Variants in ANKRD30A observed in about 807,000 individuals in gnomAD.
The protein encoded by ANKRD30A is ankyrin repeat domain 30A, also known as ankyrin repeat domain-containing protein 30A.
Under a neutral mutation model 166.3 loss-of-function variants are expected in ANKRD30A, and 170 were observed. The observed-to-expected ratio is 1.02, with a 90% confidence interval of 0.90 to 1.16. The LOEUF (loss-of-function observed/expected upper bound fraction) is 1.16. ANKRD30A is among the 50% of genes most tolerant of loss of function. The pLI is 0.00. For missense variants in ANKRD30A, 1,630 were observed against 1,518.0 expected (o/e 1.07, Z -1.23); for synonymous variants, 564 against 508.9 (o/e 1.11, Z -1.46).
At chr10:37,196,209 A>C (rs1841092713) in intron 27 of ANKRD30A, among the ~76,000 whole-genome samples, 1 of 151,112 alleles carries the variant, frequency 6.6e-6, no homozygotes, top group South Asian at 2.1e-4. Context: ...GAGTGAACTC[A>C]CTTCAGATGC....
At chr10:37,133,243 A>G (rs1836483927) in intron 4 of ANKRD30A, among the ~76,000 whole-genome samples, 1 of 152,164 alleles carries the variant, frequency 6.6e-6, no homozygotes, top group African/African-American at 2.4e-5. Context: ...TTAAAATTTT[A>G]GTTAATTAAG....
chr10:37,193,373 C>T (rs1031481886), intron 27 of ANKRD30A, 115 bp downstream of exon 27: 21 of 1,278,828 alleles, frequency 1.6e-5, no homozygotes, highest in Middle Eastern at 2.6e-4. Context: ...TGGGAAATTT[C>T]GATACAAATA....
chr10:37,251,354 T>C, the ANKRD30A span, among the ~76,000 whole-genome samples: 1 of 152,206 alleles, frequency 6.6e-6, no homozygotes, highest in East Asian at 1.9e-4. Context: ...TTTATTCTCC[T>C]CCCTCCCAAA....
chr10:37,244,541 A>G, the ANKRD30A span, among the ~76,000 whole-genome samples: 1 of 152,246 alleles, frequency 6.6e-6, no homozygotes, highest in Non-Finnish European at 1.5e-5. Flanking sequence ...GTTCAATACC[A>G]TTCTGTGTGA....
At chr10:37,203,216 C>T (rs1490403143) in intron 31 of ANKRD30A, among the ~76,000 whole-genome samples, 1 of 152,190 alleles carries the variant, frequency 6.6e-6, no homozygotes, top group African/African-American at 2.4e-5. Context: ...CCCTGATGAA[C>T]ATCAATGCAA....
chr10:37,132,138 T>C, intron 3 of ANKRD30A, 102 bp from the exon 4 acceptor site: 1 of 766,692 alleles, frequency 1.3e-6, no homozygotes, highest in East Asian at 3.0e-5. Context: ...TGATTTACTT[T>C]CTATTTTATG....
intron 27 of ANKRD30A, 75 bp from the exon 28 acceptor site, chr10:37,197,206 A>G: frequency 1.9e-6 from 3 of 1,581,558 alleles, no homozygotes; most frequent in Non-Finnish European, 1.7e-6. Flanking sequence ...TCAGTTAGAT[A>G]CTATCACGGC....
intron 27 of ANKRD30A, 141 bp from the exon 28 acceptor site, chr10:37,197,140 C>A (rs1382676322): frequency 1.2e-5 from 15 of 1,231,804 alleles, no homozygotes; most frequent in South Asian, 2.5e-5. Context: ...CCTAAACAAA[C>A]CAAAAGAAAA....
the ANKRD30A span, among the ~76,000 whole-genome samples, chr10:37,242,520 G>A: frequency 6.6e-6 from 1 of 152,024 alleles, no homozygotes; most frequent in Non-Finnish European, 1.5e-5. Flanking sequence ...TATCAGTATG[G>A]ATTCATGGTT....
Position 37,179,165 on chromosome 10 carries a change from G to T in ANKRD30A, c.2421+2947G>T, listed in dbSNP as rs111606047. On this transcript the variant is annotated intron_variant, in intron 24 of 35. Transcript: ENST00000361713. ...ATTTTTAAGGAAGCAAATTGTGTTG[G>T]TAAAATTGCCATTTTATAAAACCTC... is the stretch of plus-strand genomic sequence containing the variant. Among the ~76,000 whole-genome samples the T allele has an allele frequency of 3.3e-3, 494 of 150,658 alleles. 15 individuals carry two copies. The highest frequency in any genetic ancestry group is 0.017 in the Middle Eastern group (5 of 288).
At chr10:37,258,975 A>C in the ANKRD30A span, among the ~76,000 whole-genome samples, 9 of 151,054 alleles carry the variant, frequency 6.0e-5, no homozygotes, top group Non-Finnish European at 7.4e-5. Flanking sequence ...AAAAAAAAAA[A>C]AAAAAAAAAA....
At chr10:37,191,194 G>A (rs1379106937) in intron 25 of ANKRD30A, among the ~76,000 whole-genome samples, 1 of 151,898 alleles carries the variant, frequency 6.6e-6, no homozygotes, top group East Asian at 1.9e-4. Flanking sequence ...CTTCCTCCAT[G>A]AGTGGATTAA....
chr10:37,223,849 A>G (rs1043736125), intron 34 of ANKRD30A, among the ~76,000 whole-genome samples: 1 of 151,172 alleles, frequency 6.6e-6, no homozygotes, highest in African/African-American at 2.4e-5. Context: ...GAAATTAAAC[A>G]TATGTATTGA....
chr10:37,157,199 T>C (rs1042869836), intron 13 of ANKRD30A, among the ~76,000 whole-genome samples: 5 of 152,312 alleles, frequency 3.3e-5, no homozygotes, highest in African/African-American at 1.2e-4. Context: ...TTCATAACAA[T>C]AGTTTAACAC....
downstream of ANKRD30A, chr10:37,232,681 T>G (rs1443692626): frequency 1.7e-3 from 13 of 7,452 alleles, no homozygotes; most frequent in African/African-American, 2.4e-3. Context: ...TATATATATA[T>G]ATATATATAT....
chr10:37,213,244 G>T (rs1198537266), intron 31 of ANKRD30A, among the ~76,000 whole-genome samples: 1 of 151,826 alleles, frequency 6.6e-6, no homozygotes, highest in Non-Finnish European at 1.5e-5. Flanking sequence ...CAAGATCAAG[G>T]TATCATCAGA....
chr10:37,248,034 A>G, the ANKRD30A span: 1 of 371,274 alleles, frequency 2.7e-6, no homozygotes, highest in Non-Finnish European at 5.3e-6. Flanking sequence ...AACTGAAAAA[A>G]AAAAAAATCA....
chr10:37,257,967 G>GCCA, the ANKRD30A span, among the ~76,000 whole-genome samples: 1 of 152,200 alleles, frequency 6.6e-6, no homozygotes, highest in Middle Eastern at 3.4e-3. Context: ...GCTTGTCAGG[G>GCCA]GTTGGAGGGG....
At chr10:37,262,010 C>T in the ANKRD30A span, 9 of 152,880 alleles carry the variant, frequency 5.9e-5, no homozygotes, top group East Asian at 1.5e-3. Flanking sequence ...TAAGACCTTC[C>T]TTGTTATCAT....
Sources: allele counts gnomAD v4.1 joint callset (sites outside exome capture counted in the v4.1 genomes callset), GRCh38; gene constraint gnomAD v4.1.1; transcripts MANE v1.5; gene names NCBI Gene and HGNC (gene_info 2026-07-23, HGNC 2026-07-21).